The following MYLK variants were observed in gnomAD, a reference collection of about 807,000 sequenced individuals.
MYLK encodes myosin light chain kinase, smooth muscle.
MYLK carries 106 observed loss-of-function variants against 203.4 expected under a neutral mutation model. The observed-to-expected ratio is 0.52, with a 90% confidence interval of 0.45 to 0.61. The LOEUF (loss-of-function observed/expected upper bound fraction) is 0.61, where lower values mean the gene tolerates loss of function less well. MYLK is among the 20% of genes least tolerant of loss of function. MYLK has a pLI of 0.00. For synonymous variants in MYLK, 867 were observed against 959.5 expected, an observed-to-expected ratio of 0.90 and a Z score of 1.78; for missense variants, 2,072 against 2,442.3, an observed-to-expected ratio of 0.85 and a Z score of 3.20.
At position 123,884,256 on chromosome 3, in the gene MYLK, G is replaced by C. The variant is rs929104663; in HGVS notation, c.-236C>G. 6.7e-6 allele frequency: 1 copy of C among 148,976 alleles called. No individual in the cohort carries two copies. The highest frequency in any genetic ancestry group is 2.4e-5 in the African/African-American group (1 of 41,074). 9.2% of individuals were successfully genotyped at this position (148,976 alleles called of 1,614,324 possible). A position where few individuals can be genotyped will look rare whatever the true frequency, so the allele number is the denominator to read the frequency against. On this transcript the variant is annotated 5_prime_UTR_variant, in exon 1 of 34. Coordinates refer to ENST00000360304, the MANE Select transcript of MYLK (RefSeq NM_053025.4). ...CCGGGGCACCGGCGCTCGGCGGGGCGCCCCGGCCGCAGGCGCACAGCGCGG... is the reference window on the plus strand; with the variant it reads ...CCGGGGCACCGGCGCTCGGCGGGGCCCCCCGGCCGCAGGCGCACAGCGCGG...
intron 11 of MYLK, among the ~76,000 whole-genome samples, chr3:123,727,132 T>C (rs1299274270): frequency 6.6e-6 from 1 of 152,254 alleles, no homozygotes; most frequent in Non-Finnish European, 1.5e-5. Flanking sequence ...TTGAACTCGA[T>C]GCTGAAGCCA....
chr3:123,746,034 T>G (rs1464192964), intron 5 of MYLK, among the ~76,000 whole-genome samples: 3 of 151,996 alleles, frequency 2.0e-5, no homozygotes, highest in Non-Finnish European at 4.4e-5. Context: ...ATTTTTATGT[T>G]TTTAGTAGAG....
At chr3:123,631,290 C>T (rs549994622) in intron 29 of MYLK, among the ~76,000 whole-genome samples, 27 of 151,768 alleles carry the variant, frequency 1.8e-4, no homozygotes, top group Admixed American at 9.2e-4. Flanking sequence ...CCCAGCTACT[C>T]GGGAGGCTGA....
intron 27 of MYLK, chr3:123,644,356 AC>A (rs1191173534): frequency 1.3e-5 from 2 of 152,118 alleles, no homozygotes; most frequent in African/African-American, 4.8e-5. Context: ...ACTCTTGGCG[AC>A]CTGGCCAAGG....
intron 18 of MYLK, among the ~76,000 whole-genome samples, chr3:123,696,383 G>A (rs1286910629): frequency 2.0e-5 from 3 of 152,014 alleles, no homozygotes; most frequent in Non-Finnish European, 2.9e-5. Flanking sequence ...CAGTGCAGTG[G>A]AGCAAAAAGG....
chr3:123,807,869 G>A (rs1577035869), intron 3 of MYLK, among the ~76,000 whole-genome samples: 1 of 152,226 alleles, frequency 6.6e-6, no homozygotes. Flanking sequence ...CCCAGCCTTA[G>A]GTGCTGCATC....
chr3:123,787,689 C>T (rs2064589310), intron 4 of MYLK, among the ~76,000 whole-genome samples: 1 of 152,056 alleles, frequency 6.6e-6, no homozygotes, highest in Admixed American at 6.6e-5. Flanking sequence ...CCCTTGGAGC[C>T]CCCAGGTTCT....
At chr3:123,786,258 G>A (rs1194456332) in intron 4 of MYLK, among the ~76,000 whole-genome samples, 1 of 151,048 alleles carries the variant, frequency 6.6e-6, no homozygotes, top group East Asian at 1.9e-4. Flanking sequence ...AACCGCGATT[G>A]TGTCACTGCA....
Position 123,613,158 on chromosome 3 carries a change from T to A in MYLK, c.*947A>T, listed in dbSNP as rs1388177353. On this transcript the variant is annotated 3_prime_UTR_variant, in exon 34 of 34. Coordinates refer to ENST00000360304, the MANE Select transcript of MYLK (RefSeq NM_053025.4). ...GGAGATTCCAAAGTACATGGAGTTC[T>A]CCAGCTCTTTATCAGTTGAAATCTG... 1 of 152,254 alleles carries A rather than the reference T, an allele frequency of 6.6e-6. No homozygotes were observed. The highest frequency in any genetic ancestry group is 2.4e-5 in the African/African-American group (1 of 41,472). 9.4% of individuals were successfully genotyped at this position (152,254 alleles called of 1,614,324 possible).
rs1349874081 is a variant in MYLK, at chr3:123,610,697, G to A, written c.*3408C>T. On this transcript the variant is annotated 3_prime_UTR_variant, in exon 34 of 34. Coordinates refer to ENST00000360304, the MANE Select transcript of MYLK (RefSeq NM_053025.4). ...GGAGTCCCAAGGGATAAAGAGAGTA[G>A]TGCTACTTGTGTTTTCTTGAAAAAT... The A allele has an allele frequency of 1.3e-5, 2 of 152,216 alleles. No homozygotes were observed. Among genetic ancestry groups the A allele is most frequent in the African/African-American group, 4.8e-5 (2 of 41,440 alleles). 9.4% of individuals were successfully genotyped at this position (152,216 alleles called of 1,614,324 possible). A position where few individuals can be genotyped will look rare whatever the true frequency, so the allele number is the denominator to read the frequency against.
intron 20 of MYLK, among the ~76,000 whole-genome samples, chr3:123,673,155 T>TC (rs925388249): frequency 2.9e-5 from 2 of 68,488 alleles, no homozygotes; most frequent in Admixed American, 1.3e-4. Context: ...GTTCTTTTTT[T>TC]CTTTTCTTTT....
chr3:123,740,999 G>A (rs1396149398), intron 5 of MYLK, among the ~76,000 whole-genome samples: 1 of 152,198 alleles, frequency 6.6e-6, no homozygotes, highest in Non-Finnish European at 1.5e-5. Flanking sequence ...GAGGGGTGGG[G>A]TGGGAGGAAG....
At chr3:123,752,607 T>G (rs1020043724) in intron 4 of MYLK, 69 bp from the exon 5 acceptor site, 2 of 1,443,942 alleles carry the variant, frequency 1.4e-6, no homozygotes, top group Non-Finnish European at 1.9e-6. Context: ...AGGTATTGTT[T>G]GGAGTGCTTT....
intron 5 of MYLK, among the ~76,000 whole-genome samples, chr3:123,740,435 G>A (rs896696172): frequency 1.3e-5 from 2 of 152,232 alleles, no homozygotes; most frequent in Non-Finnish European, 2.9e-5. Flanking sequence ...CAGTTAAAGG[G>A]AGGGAGGGAA....
chr3:123,736,144 A>G (rs184636524), intron 8 of MYLK, among the ~76,000 whole-genome samples: 4 of 152,330 alleles, frequency 2.6e-5, no homozygotes, highest in Admixed American at 1.3e-4. Flanking sequence ...GGTCAGGACC[A>G]GGATTTCTTG....
chr3:123,786,383 A>T (rs2064525735), intron 4 of MYLK, among the ~76,000 whole-genome samples: 1 of 151,628 alleles, frequency 6.6e-6, no homozygotes, highest in Non-Finnish European at 1.5e-5. Context: ...GAAGGGAACA[A>T]TTGAGGGTTA....
rs1285640309 is a variant in MYLK, at chr3:123,666,271, T to A, written c.3779A>T (p.Lys1260Ile). ...GGTGATGGGCTGAGTGCCTGTCACTTTGCCAAACAGCTCCACTGACTCTCC... is the reference window on the plus strand; with the variant it reads ...GGTGATGGGCTGAGTGCCTGTCACTATGCCAAACAGCTCCACTGACTCTCC... ...RAGESVELFG[K>I]VTGTQPITCT... The change falls in exon 22 of 34, where the codon AAA becomes ATA. Residue 1260 changes from lysine (K) to isoleucine (I), a missense_variant. This residue lies in a region of MYLK where 865 missense variants were observed against 1,016.0 expected (regional missense o/e 0.85). Transcript: ENST00000360304. The A allele has an allele frequency of 6.2e-7, 1 of 1,614,216 alleles. No homozygotes were observed. The highest frequency in any genetic ancestry group is 8.5e-7 in the Non-Finnish European group (1 of 1,180,044).
rs751186454 is a variant in MYLK at position 123,819,267 on chromosome 3, G to A, written c.-4+12281C>T. Among the ~76,000 whole-genome samples the A allele has an allele frequency of 7.5e-4, 114 of 152,166 alleles. 1 individual carries two copies. Among genetic ancestry groups the A allele is most frequent in the Non-Finnish European group, 1.3e-4 (9 of 68,036 alleles). On this transcript the variant is annotated intron_variant, in intron 3 of 33. Transcript: ENST00000360304. Reference sequence around the variant, plus strand: ...CCTTCAAAGAGAGAGTTTCCCTCAGGATGGAGCAAAGTGCAGGCACACTTA... The same window carrying A: ...CCTTCAAAGAGAGAGTTTCCCTCAGAATGGAGCAAAGTGCAGGCACACTTA...
intron 19 of MYLK, among the ~76,000 whole-genome samples, chr3:123,685,631 A>G (rs1421083218): frequency 1.4e-5 from 2 of 141,286 alleles, no homozygotes; most frequent in African/African-American, 2.6e-5. Context: ...AAAAAAAAAA[A>G]GAAAATGAAA....
Sources: gnomAD v4.1 joint callset for allele counts (sites outside exome capture counted in the v4.1 genomes callset) on GRCh38, gnomAD v4.1.1 for gene constraint, gnomAD v4.1.1 regional missense constraint, MANE v1.5 for transcripts, NCBI Gene and HGNC (gene_info 2026-07-23, HGNC 2026-07-21) for gene names.